PASK: variants seen among roughly 807,000 people sequenced by gnomAD.
PASK encodes PAS domain containing serine/threonine kinase.
PASK carries 110 observed loss-of-function variants against 121.0 expected under a neutral mutation model. The ratio of observed to expected loss-of-function variants is 0.91; its 90% CI spans 0.78 to 1.06. The LOEUF (loss-of-function observed/expected upper bound fraction) is 1.06, where lower values mean the gene tolerates loss of function less well. PASK is among the 50% of genes least tolerant of loss of function. The pLI is 0.00. For synonymous variants in PASK, 686 were observed against 717.8 expected, an observed-to-expected ratio of 0.96 and a Z score of 0.71; for missense variants, 1,643 against 1,702.3, an observed-to-expected ratio of 0.97 and a Z score of 0.61.
chr2:241,131,298 G>A (rs1362147781), intron 9 of PASK, among the ~76,000 whole-genome samples: 3 of 151,850 alleles, frequency 2.0e-5, no homozygotes, highest in Non-Finnish European at 4.4e-5. Context: ...ACAGGCGCCC[G>A]CCACCATGCC....
Position 241,108,515 on chromosome 2 carries a change from A to G in PASK, c.3534-215T>C. On this transcript the variant is annotated intron_variant, in intron 15 of 17. Coordinates refer to ENST00000234040, the MANE Select transcript of PASK (RefSeq NM_015148.4). This position sits in a 1 kb window ranked among gnomAD's most constrained non-coding sequence, Gnocchi z 5.2. ...GCCATGTGCCAGGAGTGGAGAGGCCATCGGGCAGCTCCGAGGCTAATCAGG... is the reference window on the plus strand; with the variant it reads ...GCCATGTGCCAGGAGTGGAGAGGCCGTCGGGCAGCTCCGAGGCTAATCAGG... 6.4e-6 allele frequency: 4 copies of G among 620,276 alleles called. No homozygotes were observed. In the South Asian group the frequency reaches 7.2e-5, roughly 11 times the overall value. 38.4% of individuals were successfully genotyped at this position (620,276 alleles called of 1,614,324 possible). A position where few individuals can be genotyped will look rare whatever the true frequency, so the allele number is the denominator to read the frequency against.
chr2:241,110,935 T>C (rs1340411110), intron 15 of PASK, among the ~76,000 whole-genome samples: 1 of 152,158 alleles, frequency 6.6e-6, no homozygotes, highest in Non-Finnish European at 1.5e-5. Flanking sequence ...GAAGAGCCCA[T>C]TTTCACTTCC....
intron 10 of PASK, among the ~76,000 whole-genome samples, chr2:241,124,653 C>T (rs537587284): frequency 3.3e-5 from 5 of 152,240 alleles, no homozygotes; most frequent in African/African-American, 7.2e-5. Flanking sequence ...TTTCCACAGC[C>T]TCCTAGCTAT....
rs2065150444 is a variant in PASK, at chr2:241,112,511, G to GA, written c.3334-73dup. Reference sequence around the variant, plus strand: ...TAAAATATGCATTTAAAATAAACTGGAACAAAAAAAAACACAAAGAAAAAA... The same window carrying GA: ...TAAAATATGCATTTAAAATAAACTGGAAACAAAAAAAAACACAAAGAAAAAA... On this transcript the variant is annotated intron_variant, in intron 14 of 17. Transcript: ENST00000234040. This position sits in a 1 kb window ranked among gnomAD's most constrained non-coding sequence, Gnocchi z 5.2. 2.2e-6 allele frequency: 2 copies of GA among 912,810 alleles called. No homozygotes were observed. Among genetic ancestry groups the GA allele is most frequent in the Admixed American group, 2.7e-5 (1 of 36,812 alleles). 56.5% of individuals were successfully genotyped at this position (912,810 alleles called of 1,614,324 possible). A position where few individuals can be genotyped will look rare whatever the true frequency, so the allele number is the denominator to read the frequency against.
rs1427550443 is a variant in PASK at position 241,140,582 on chromosome 2, A to C, written c.368T>G (p.Leu123Arg). 1.2e-6 allele frequency: 2 copies of C among 1,614,112 alleles called. No homozygotes were observed. The highest frequency in any genetic ancestry group is 1.7e-6 in the Non-Finnish European group (2 of 1,180,012). Reference protein sequence around the residue: ...GLSSGWSSPLLPAPVCNPNKA... With the variant: ...GLSSGWSSPLRPAPVCNPNKA... ...GTTAGGGTTGCACACAGGGGCCGGA[A>C]GCAGAGGTGAGGACCACCCTGAGGA... is the stretch of plus-strand genomic sequence containing the variant. Residue 123 changes from leucine (L) to arginine (R), a missense_variant, in exon 3 of 18, where the codon CTT becomes CGT. This residue lies in a region of PASK where 1,176 missense variants were observed against 1,162.2 expected (regional missense o/e 1.01). Coordinates refer to ENST00000234040, the MANE Select transcript of PASK (RefSeq NM_015148.4).
At chr2:241,132,078 C>T (rs1039690508) in intron 9 of PASK, among the ~76,000 whole-genome samples, 24 of 149,352 alleles carry the variant, frequency 1.6e-4, no homozygotes, top group African/African-American at 2.7e-4. Flanking sequence ...AAAAAGATTC[C>T]GAAGAAGAAA....
chr2:241,142,350 C>T (rs1300815664), intron 2 of PASK, among the ~76,000 whole-genome samples: 2 of 152,218 alleles, frequency 1.3e-5, no homozygotes, highest in East Asian at 1.9e-4. Context: ...CTTCCTTCCT[C>T]ACCATGGCCC....
intron 1 of PASK, among the ~76,000 whole-genome samples, chr2:241,149,201 C>T (rs1362937013): frequency 6.6e-6 from 1 of 152,142 alleles, no homozygotes; most frequent in Non-Finnish European, 1.5e-5. Context: ...GGGCCAACGG[C>T]CGCAACCCCG....
At position 241,122,869 on chromosome 2, in the gene PASK, G is replaced by T; in HGVS notation, c.2935C>A (p.Pro979Thr). The change falls in exon 12 of 18, where the codon CCC becomes ACC. Residue 979 changes from proline to threonine, a missense_variant. This residue lies in a region of PASK where 453 missense variants were observed against 511.2 expected (regional missense o/e 0.89). Coordinates refer to ENST00000234040, the MANE Select transcript of PASK (RefSeq NM_015148.4). ...VLRARPWFEE[P>T]PKAVELEGLA... is the part of the protein sequence containing the mutation. ...CCCTCCAGTTCCACAGCCTTGGGGG[G>T]CTCCTCAAACCAGGGTCTGGCTCTG... 3.7e-6 allele frequency: 6 copies of T among 1,614,044 alleles called. No individual in the cohort carries two copies. Among genetic ancestry groups the T allele is most frequent in the African/African-American group, 2.7e-5 (2 of 75,050 alleles).
chr2:241,141,452 G>A (rs997393593), intron 2 of PASK, among the ~76,000 whole-genome samples: 5 of 152,020 alleles, frequency 3.3e-5, no homozygotes, highest in Admixed American at 1.3e-4. Context: ...TCTCAGCAAC[G>A]CCTCCAATGG....
intron 5 of PASK, 125 bp downstream of exon 5, chr2:241,138,529 G>C: frequency 8.7e-7 from 1 of 1,153,476 alleles, no homozygotes; most frequent in Non-Finnish European, 1.3e-6. Flanking sequence ...CCACTGGGCA[G>C]ACCCTCCAGG....
chr2:241,114,347 A>G, intron 14 of PASK: 1 of 985,480 alleles, frequency 1.0e-6, no homozygotes, highest in South Asian at 4.7e-5. Flanking sequence ...TCCCCAGCAA[A>G]CAATCCAAGA....
intron 15 of PASK, among the ~76,000 whole-genome samples, chr2:241,111,511 C>T (rs1205950533): frequency 6.6e-6 from 1 of 152,208 alleles, no homozygotes; most frequent in Non-Finnish European, 1.5e-5. Flanking sequence ...ATTTGGTTTA[C>T]AGGCAGATGA....
intron 9 of PASK, among the ~76,000 whole-genome samples, chr2:241,131,276 G>C (rs1465606455): frequency 2.0e-5 from 3 of 151,998 alleles, no homozygotes; most frequent in East Asian, 3.9e-4. Flanking sequence ...AGCCTCCCGA[G>C]TAGCTGGGAC....
chr2:241,127,288 A>G lies in PASK; in HGVS notation c.1627T>C (p.Phe543Leu). 1 of 1,614,210 alleles carries G rather than the reference A, an allele frequency of 6.2e-7. No individual in the cohort carries two copies. The highest frequency in any genetic ancestry group is 2.2e-5 in the East Asian group (1 of 44,882). Reference protein sequence around the residue: ...SRSEPVDVKPFASCEDSEAPV... With the variant: ...SRSEPVDVKPLASCEDSEAPV... ...GCTTCAGAATCTTCGCAGGAAGCAA[A>G]TGGCTTCACATCCACTGGTTCAGAC... Residue 543 changes from phenylalanine to leucine, a missense_variant, in exon 10 of 18, where the codon TTT (phenylalanine) becomes CTT (leucine). This residue lies in a region of PASK where 1,176 missense variants were observed against 1,162.2 expected (regional missense o/e 1.01). Coordinates refer to ENST00000234040, the MANE Select transcript of PASK (RefSeq NM_015148.4).
chr2:241,124,426 TCCA>T (rs1482307947), intron 10 of PASK, among the ~76,000 whole-genome samples: 2 of 152,140 alleles, frequency 1.3e-5, no homozygotes, highest in Non-Finnish European at 2.9e-5. Flanking sequence ...AAGGAAGCCC[TCCA>T]GAGAGGCCTG....
At chr2:241,140,192 G>T in intron 3 of PASK, 137 bp from the exon 4 acceptor site, 1 of 755,692 alleles carries the variant, frequency 1.3e-6, no homozygotes, top group Non-Finnish European at 2.3e-6. Flanking sequence ...CCAGGCTGGA[G>T]TGCAGTGGCG....
upstream of PASK, chr2:241,150,277 T>C (rs543557929): frequency 2.8e-5 from 37 of 1,319,452 alleles, no homozygotes; most frequent in East Asian, 8.0e-4. Context: ...CTCCAGACTG[T>C]TCCGGCTCCG....
chr2:241,149,703 AAATGGGTGAGT>A, upstream of PASK: 3 of 1,551,446 alleles, frequency 1.9e-6, no homozygotes, highest in South Asian at 3.5e-5. Flanking sequence ...CTCGCGATCA[AAATGGGTGAGT>A]AGCGCAGAGC....
Sources: gnomAD v4.1 joint callset for allele counts (sites outside exome capture counted in the v4.1 genomes callset) on GRCh38, gnomAD v4.1.1 for gene constraint, gnomAD v4.1.1 regional missense constraint, Gnocchi (gnomAD v3.1) non-coding constraint, MANE v1.5 for transcripts, NCBI Gene and HGNC (gene_info 2026-07-23, HGNC 2026-07-21) for gene names.